The following YES1 variants were observed in gnomAD, a reference collection of about 807,000 sequenced individuals.
YES1 encodes the protein tyrosine-protein kinase Yes.
YES1 carries 39 observed loss-of-function variants against 70.4 expected under a neutral mutation model. The observed-to-expected ratio is 0.55, with a 90% CI of 0.43 to 0.72. The LOEUF is 0.72. Ranked by LOEUF, YES1 falls within the 30% of genes least tolerant of loss-of-function variation. YES1 has a pLI of 0.00. For synonymous variants in YES1, 198 were observed against 218.6 expected (o/e 0.91, Z 0.83); for missense variants, 495 against 644.8 (o/e 0.77, Z 2.52).
At chr18:784,955 C>T (rs1269185641) in intron 1 of YES1, among the ~76,000 whole-genome samples, 1 of 152,160 alleles carries the variant, frequency 6.6e-6, no homozygotes, top group Admixed American at 6.5e-5. Context: ...ATGCTGCCTA[C>T]CACAGTACCC....
At chr18:793,103 G>A (rs1379999124) in intron 1 of YES1, among the ~76,000 whole-genome samples, 7 of 149,946 alleles carry the variant, frequency 4.7e-5, no homozygotes, top group African/African-American at 9.8e-5. Flanking sequence ...GCAGTGGTGC[G>A]ATCTGGGCTC....
chr18:743,906 GAA>G (rs1032600928), intron 6 of YES1, among the ~76,000 whole-genome samples: 28 of 113,732 alleles, frequency 2.5e-4, no homozygotes, highest in South Asian at 5.8e-4. Context: ...ATTCTGACTC[GAA>G]AAAAAAAAAA....
At chr18:773,260 A>G (rs1212137356) in intron 1 of YES1, among the ~76,000 whole-genome samples, 1 of 152,228 alleles carries the variant, frequency 6.6e-6, no homozygotes, top group Non-Finnish European at 1.5e-5. Context: ...GTCACCTGCC[A>G]TTACCAGAGG....
intron 1 of YES1, among the ~76,000 whole-genome samples, chr18:788,283 A>G (rs1906067243): frequency 6.6e-6 from 1 of 152,144 alleles, no homozygotes; most frequent in Non-Finnish European, 1.5e-5. Flanking sequence ...TTACATGGGG[A>G]GCCTTTTAGC....
intron 1 of YES1, chr18:775,205 T>C (rs369670968): frequency 6.6e-6 from 1 of 151,894 alleles, no homozygotes; most frequent in Non-Finnish European, 1.5e-5. Context: ...TAGTGGCTGG[T>C]ATTTGAAGCA....
At chr18:727,695 C>T (rs1186639523) in intron 11 of YES1, among the ~76,000 whole-genome samples, 1 of 152,118 alleles carries the variant, frequency 6.6e-6, no homozygotes, top group Non-Finnish European at 1.5e-5. Flanking sequence ...AAACTTAGAA[C>T]GGTTTACCTC....
rs1197760781 is a variant in YES1, at chr18:722,676, C to T, written c.*1748G>A. Reference sequence around the variant, plus strand: ...TCTTATTTTGTATGTTTCACTTTTGCACTTTAGGGTAAAAACTGTCCCCTT... The same window carrying T: ...TCTTATTTTGTATGTTTCACTTTTGTACTTTAGGGTAAAAACTGTCCCCTT... On this transcript the variant is annotated 3_prime_UTR_variant, in exon 12 of 12. Coordinates refer to ENST00000314574, the MANE Select transcript of YES1 (RefSeq NM_005433.4). 1.3e-5 allele frequency: 2 copies of T among 152,118 alleles called. No homozygotes were observed. The highest frequency in any genetic ancestry group is 6.6e-5 in the Admixed American group (1 of 15,260). 9.4% of individuals were successfully genotyped at this position (152,118 alleles called of 1,614,324 possible). A position where few individuals can be genotyped will look rare whatever the true frequency, so the allele number is the denominator to read the frequency against.
At chr18:777,028 G>C (rs1905419236) in intron 1 of YES1, among the ~76,000 whole-genome samples, 1 of 152,144 alleles carries the variant, frequency 6.6e-6, no homozygotes, top group Non-Finnish European at 1.5e-5. Flanking sequence ...CAAAAATCAG[G>C]GGGCAATTAT....
At chr18:748,819 C>T (rs2080309847) in intron 3 of YES1, among the ~76,000 whole-genome samples, 1 of 151,946 alleles carries the variant, frequency 6.6e-6, no homozygotes, top group African/African-American at 2.4e-5. Context: ...TCACAATGCT[C>T]TAACATTCCT....
intron 2 of YES1, among the ~76,000 whole-genome samples, chr18:753,385 T>C (rs1474072058): frequency 1.3e-5 from 2 of 152,250 alleles, no homozygotes; most frequent in Admixed American, 1.3e-4. Context: ...CTCTTGAACT[T>C]ACTCCTCCTA....
intron 11 of YES1, 93 bp from the exon 12 acceptor site, chr18:724,725 ATAT>A: frequency 1.1e-6 from 1 of 935,824 alleles, no homozygotes; most frequent in Non-Finnish European, 1.6e-6. Flanking sequence ...CATTCAAAGT[ATAT>A]TATTTAGTGA....
intron 4 of YES1, among the ~76,000 whole-genome samples, chr18:746,432 C>G (rs1004431215): frequency 6.6e-6 from 1 of 152,140 alleles, no homozygotes; most frequent in Non-Finnish European, 1.5e-5. Context: ...CATCTGCATT[C>G]AGTAAGACAC....
chr18:740,918 A>C (rs542088993), intron 8 of YES1, among the ~76,000 whole-genome samples: 6 of 152,212 alleles, frequency 3.9e-5, no homozygotes, highest in African/African-American at 1.4e-4. Flanking sequence ...ATTTATTTGA[A>C]ACGGAGTCTC....
intron 1 of YES1, among the ~76,000 whole-genome samples, chr18:799,903 C>CA (rs1240004356): frequency 1.3e-5 from 2 of 148,520 alleles, no homozygotes; most frequent in Non-Finnish European, 1.5e-5. Flanking sequence ...CAAACAAAAA[C>CA]AAAAAACAAA....
intron 4 of YES1, among the ~76,000 whole-genome samples, chr18:747,051 T>C (rs976864281): frequency 6.6e-6 from 1 of 152,232 alleles, no homozygotes; most frequent in Non-Finnish European, 1.5e-5. Flanking sequence ...AGTGCTTAAA[T>C]GAAGACATTA....
chr18:727,414 C>CT (rs1178264906), intron 11 of YES1, among the ~76,000 whole-genome samples: 5 of 152,194 alleles, frequency 3.3e-5, no homozygotes, highest in South Asian at 2.1e-4. Context: ...CCAGTCTTAT[C>CT]TTTTTTTATT....
intron 1 of YES1, among the ~76,000 whole-genome samples, chr18:764,051 C>T (rs533374652): frequency 2.0e-4 from 30 of 147,156 alleles, no homozygotes; most frequent in Non-Finnish European, 2.7e-4. Flanking sequence ...ACCCGGGAGG[C>T]GGAGCTTGCA....
chr18:732,724 G>C (rs1020011000), intron 11 of YES1, 110 bp downstream of exon 11: 8 of 1,381,644 alleles, frequency 5.8e-6, no homozygotes, highest in South Asian at 1.3e-5. Flanking sequence ...GAGAGGCAGG[G>C]GGACTATGAG....
chr18:755,106 A>G (rs1005598320), intron 2 of YES1, among the ~76,000 whole-genome samples: 1 of 152,212 alleles, frequency 6.6e-6, no homozygotes, highest in Non-Finnish European at 1.5e-5. Context: ...ACTTTTGCTA[A>G]AGACTTAGAA....
Sources: gnomAD v4.1 joint callset for allele counts (sites outside exome capture counted in the v4.1 genomes callset) on GRCh38, gnomAD v4.1.1 for gene constraint, MANE v1.5 for transcripts, NCBI Gene and HGNC (gene_info 2026-07-23, HGNC 2026-07-21) for gene names.